The following IRF2 variants were observed in gnomAD, a reference collection of about 807,000 sequenced individuals.
IRF2 encodes interferon regulatory factor 2.
Under a neutral mutation model 40.6 loss-of-function variants are expected in IRF2, and 15 were observed. The ratio of observed to expected loss-of-function variants is 0.37; its 90% CI spans 0.25 to 0.57. The LOEUF (loss-of-function observed/expected upper bound fraction) is 0.57, where lower values mean the gene tolerates loss of function less well. Among genes scored for constraint, IRF2 ranks in the 20% least tolerant of loss-of-function variants. The pLI is 0.77. For missense variants in IRF2, 317 were observed against 455.7 expected (o/e 0.70, Z 2.77); for synonymous variants, 151 against 165.5 (o/e 0.91, Z 0.67).
chr4:184,405,764 C>A (rs1040087654), intron 6 of IRF2, among the ~76,000 whole-genome samples: 1 of 152,116 alleles, frequency 6.6e-6, no homozygotes, highest in African/African-American at 2.4e-5. Context: ...TAATTATAAA[C>A]GAGGCAGCGG....
At chr4:184,407,134 A>G in intron 6 of IRF2, 1 of 1,247,012 alleles carries the variant, frequency 8.0e-7, no homozygotes, top group Non-Finnish European at 1.1e-6. Context: ...CAAACTTTTT[A>G]CACTGCCCGG....
intron 7 of IRF2, among the ~76,000 whole-genome samples, chr4:184,395,412 C>CAAAAAAAA (rs34566726): frequency 1.5e-5 from 1 of 67,080 alleles, no homozygotes; most frequent in Admixed American, 2.4e-4. Flanking sequence ...GACTCCGTCT[C>CAAAAAAAA]AAAAAAAAAA....
intron 4 of IRF2, 84 bp downstream of exon 4, chr4:184,418,448 G>T: frequency 1.6e-6 from 2 of 1,288,364 alleles, no homozygotes; most frequent in South Asian, 1.2e-5. Flanking sequence ...CCTGCAAACT[G>T]ACTGCAGATG....
At chr4:184,466,067 G>T (rs60774357) in intron 1 of IRF2, among the ~76,000 whole-genome samples, 87,112 of 146,450 alleles carry the variant, frequency 0.59, 26,707 homozygotes, top group African/African-American at 0.72. Flanking sequence ...TTTGTTTTTT[G>T]TTTTTTTTTT....
At chr4:184,469,246 G>A (rs1454276240) in intron 1 of IRF2, among the ~76,000 whole-genome samples, 2 of 152,276 alleles carry the variant, frequency 1.3e-5, no homozygotes, top group East Asian at 1.9e-4. Context: ...TCTCTCACAC[G>A]GAGCCGGCCA....
At chr4:184,417,000 C>T (rs1737304931) in intron 5 of IRF2, among the ~76,000 whole-genome samples, 1 of 152,054 alleles carries the variant, frequency 6.6e-6, no homozygotes, top group Non-Finnish European at 1.5e-5. Context: ...GAGCCAAGAT[C>T]GCGCCATTGC....
At chr4:184,393,648 T>C (rs1736339354) in intron 7 of IRF2, among the ~76,000 whole-genome samples, 1 of 152,228 alleles carries the variant, frequency 6.6e-6, no homozygotes, top group Non-Finnish European at 1.5e-5. Context: ...TGCTCCGAAC[T>C]TATGTTTTCA....
At chr4:184,442,359 G>A (rs1039755138) in intron 1 of IRF2, among the ~76,000 whole-genome samples, 1 of 152,156 alleles carries the variant, frequency 6.6e-6, no homozygotes, top group African/African-American at 2.4e-5. Flanking sequence ...AACCAGAGGG[G>A]CTTTTTCCTG....
intron 2 of IRF2, among the ~76,000 whole-genome samples, chr4:184,428,048 C>A (rs1019941792): frequency 6.6e-6 from 1 of 152,002 alleles, no homozygotes; most frequent in Non-Finnish European, 1.5e-5. Flanking sequence ...TCATTTTTGC[C>A]GACATTATCT....
intron 1 of IRF2, among the ~76,000 whole-genome samples, chr4:184,465,488 G>GA (rs1228073945): frequency 1.0e-5 from 1 of 98,614 alleles, no homozygotes; most frequent in African/African-American, 4.3e-5. Context: ...GTTTCAAGAA[G>GA]GAAAAAAAAA....
At chr4:184,403,204 G>A (rs575544315) in intron 6 of IRF2, among the ~76,000 whole-genome samples, 4 of 152,164 alleles carry the variant, frequency 2.6e-5, no homozygotes, top group East Asian at 3.9e-4. Context: ...AGAGAAGCAG[G>A]GAAATCCCAA....
At chr4:184,455,301 C>CTTTTTTTTT (rs1238177005) in intron 1 of IRF2, among the ~76,000 whole-genome samples, 11 of 31,928 alleles carry the variant, frequency 3.4e-4, no homozygotes, top group Middle Eastern at 0.038. Context: ...CCTTCTTCTT[C>CTTTTTTTTT]TTTTTTTTTT....
intron 1 of IRF2, among the ~76,000 whole-genome samples, chr4:184,465,063 G>A (rs1276127491): frequency 6.6e-6 from 1 of 152,102 alleles, no homozygotes; most frequent in Non-Finnish European, 1.5e-5. Context: ...CCTACCCAGG[G>A]GTTTTGTGTT....
intron 1 of IRF2, chr4:184,431,874 A>C (rs946388704): frequency 1.3e-5 from 2 of 152,150 alleles, no homozygotes; most frequent in African/African-American, 4.8e-5. Context: ...AAAAAAAAAA[A>C]AAAACAATGG....
chr4:184,387,834 G>A lies in IRF2; in HGVS notation c.*924C>T, dbSNP rs893437805. ...CCTTTACAAAATTAAAAAAAAAAAT[G>A]TGCCACAAGGATGTAATAACAACTG... is the stretch of plus-strand genomic sequence containing the variant. On this transcript the variant is annotated 3_prime_UTR_variant, in exon 9 of 9. Transcript: ENST00000393593. 6.7e-6 allele frequency: 1 copy of A among 149,600 alleles called. No individual in the cohort carries two copies. The highest frequency in any genetic ancestry group is 2.5e-5 in the African/African-American group (1 of 40,610). 9.3% of individuals were successfully genotyped at this position (149,600 alleles called of 1,614,324 possible).
intron 1 of IRF2, among the ~76,000 whole-genome samples, chr4:184,470,085 G>A (rs1215730798): frequency 2.0e-5 from 3 of 152,098 alleles, no homozygotes; most frequent in Non-Finnish European, 2.9e-5. Flanking sequence ...AGCTGGCATC[G>A]TGCACCGACC....
chr4:184,418,705 T>C lies in IRF2; in HGVS notation c.191A>G (p.Lys64Arg). ...AGGTTTATCTACTCCTGGTTGATGCTTTCCTAACAAAAGAGACAAAGATTA... is the reference window on the plus strand; with the variant it reads ...AGGTTTATCTACTCCTGGTTGATGCCTTCCTAACAAAAGAGACAAAGATTA... Reference protein sequence around the residue: ...LFRNWAIHTGKHQPGVDKPDP... With the variant: ...LFRNWAIHTGRHQPGVDKPDP... Residue 64 changes from lysine (K) to arginine (R), a missense_variant, in exon 4 of 9, where the codon AAG becomes AGG. This residue lies in a region of IRF2 where 55 missense variants were observed against 121.7 expected (regional missense o/e 0.45). Coordinates refer to ENST00000393593, the MANE Select transcript of IRF2 (RefSeq NM_002199.4). 1 of 1,612,312 alleles carries C rather than the reference T, an allele frequency of 6.2e-7. No homozygotes were observed. The highest frequency in any genetic ancestry group is 8.5e-7 in the Non-Finnish European group (1 of 1,178,856).
intron 1 of IRF2, among the ~76,000 whole-genome samples, chr4:184,464,851 TTTC>T (rs947543137): frequency 9.2e-5 from 14 of 152,182 alleles, no homozygotes; most frequent in African/African-American, 2.4e-4. Context: ...GGTTTTCCTT[TTTC>T]TTCTTCTTTT....
chr4:184,408,933 G>A lies in IRF2; in HGVS notation c.412-658C>T, dbSNP rs980252234. Reference sequence around the variant, plus strand: ...CTCATCCAGCCCAAGAATTCTGCACGTGCACACTAATGAAATAATGAGAAC... The same window carrying A: ...CTCATCCAGCCCAAGAATTCTGCACATGCACACTAATGAAATAATGAGAAC... On this transcript the variant is annotated intron_variant, in intron 5 of 8. Coordinates refer to ENST00000393593, the MANE Select transcript of IRF2 (RefSeq NM_002199.4). This position sits in a 1 kb window ranked among gnomAD's most constrained non-coding sequence, Gnocchi z 4.9. 3.3e-5 allele frequency among the ~76,000 whole-genome samples: 5 copies of A among 152,158 alleles called. No individual in the cohort carries two copies. Among genetic ancestry groups the A allele is most frequent in the African/African-American group, 7.2e-5 (3 of 41,436 alleles).
Sources: gnomAD v4.1 joint callset for allele counts (sites outside exome capture counted in the v4.1 genomes callset) on GRCh38, gnomAD v4.1.1 for gene constraint, gnomAD v4.1.1 regional missense constraint, Gnocchi (gnomAD v3.1) non-coding constraint, MANE v1.5 for transcripts, NCBI Gene and HGNC (gene_info 2026-07-23, HGNC 2026-07-21) for gene names.